The following MYO1H variants were observed in gnomAD, a reference collection of about 807,000 sequenced individuals.
MYO1H encodes the protein myosin IH, also known as unconventional myosin-Ih.
Under a neutral mutation model 149.3 loss-of-function variants are expected in MYO1H, and 118 were observed. That is an observed-to-expected ratio of 0.79 (90% confidence interval 0.68 to 0.92). MYO1H has a LOEUF of 0.92. Ranked by LOEUF, MYO1H falls within the 40% of genes least tolerant of loss-of-function variation. The pLI is 0.00. For missense variants in MYO1H, 1,212 were observed against 1,280.7 expected (o/e 0.95, Z 0.82); for synonymous variants, 447 against 465.2 (o/e 0.96, Z 0.50).
rs1195881053 is a variant in MYO1H, at chr12:109,443,453, A to C, written c.2689-61A>C. ...CTTGACATCACTTTACCGGTGTCTG[A>C]GTAGCAAGAAACTCGGTACTCTGCC... On this transcript the variant is annotated intron_variant, in intron 27 of 31. Coordinates refer to ENST00000310903, the Ensembl canonical transcript of MYO1H. 5.0e-6 allele frequency: 8 copies of C among 1,584,526 alleles called. No individual in the cohort carries two copies. The African/African-American group carries it at 5.4e-5, about 11-fold the overall frequency.
At chr12:109,443,009 AATAT>A (rs1335069078) in intron 27 of MYO1H, among the ~76,000 whole-genome samples, 11 of 58,480 alleles carry the variant, frequency 1.9e-4, no homozygotes, top group African/African-American at 7.5e-4. Flanking sequence ...AAAAAAAAAA[AATAT>A]ATATATATAT....
intron 1 of MYO1H, among the ~76,000 whole-genome samples, chr12:109,376,891 A>G (rs894437058): frequency 6.6e-6 from 1 of 152,256 alleles, no homozygotes; most frequent in African/African-American, 2.4e-5. Flanking sequence ...GTGGGAGAAC[A>G]TAACATCTTT....
At position 109,441,603 on chromosome 12, in the gene MYO1H, G is replaced by A; in HGVS notation, c.2539-12G>A. 1.3e-6 allele frequency: 2 copies of A among 1,588,138 alleles called. No homozygotes were observed. The highest frequency in any genetic ancestry group is 1.7e-6 in the Non-Finnish European group (2 of 1,159,936). Reference sequence around the variant, plus strand: ...GGCTACCATTTTTATACTTTCAATTGTGTATTACCAGATGCAGCAAAAGGT... The same window carrying A: ...GGCTACCATTTTTATACTTTCAATTATGTATTACCAGATGCAGCAAAAGGT... On this transcript the variant is annotated splice_polypyrimidine_tract_variant and intron_variant, in intron 25 of 31. Transcript: ENST00000310903.
chr12:109,441,712 A>G lies in MYO1H; in HGVS notation c.2632+4A>G, dbSNP rs1872138560. 2 of 1,603,322 alleles carry G rather than the reference A, an allele frequency of 1.2e-6. No homozygotes were observed. Among genetic ancestry groups the G allele is most frequent in the Non-Finnish European group, 1.7e-6 (2 of 1,173,174 alleles). The stretch of plus-strand genomic sequence containing the variant: ...CCCTTTGTCAACAGTCGGATAGGTA[A>G]GTACATTTTCCAGCCTATGTACTTG... On this transcript the variant is annotated splice_donor_region_variant and intron_variant, in intron 26 of 31. Transcript: ENST00000310903.
chr12:109,344,182 A>G (rs990284385), upstream of MYO1H, among the ~76,000 whole-genome samples: 52 of 152,318 alleles, frequency 3.4e-4, no homozygotes, highest in African/African-American at 1.2e-3. Flanking sequence ...ATCACATCAC[A>G]TTAAGGGCAC....
chr12:109,314,035 C>T, the MYO1H span, among the ~76,000 whole-genome samples: 1 of 152,032 alleles, frequency 6.6e-6, no homozygotes, highest in Non-Finnish European at 1.5e-5. Context: ...CAGGCGCGCA[C>T]CACCATGCCT....
chr12:109,406,706 G>A, intron 8 of MYO1H, 83 bp from the exon 9 acceptor site: 5 of 1,326,036 alleles, frequency 3.8e-6, no homozygotes, highest in South Asian at 2.4e-5. Flanking sequence ...GGGTAACAGA[G>A]CCATACCTTG....
chr12:109,388,293 T>C (rs1327987601), intron 1 of MYO1H, among the ~76,000 whole-genome samples: 3 of 152,240 alleles, frequency 2.0e-5, no homozygotes, highest in African/African-American at 4.8e-5. Flanking sequence ...TCTGGGTATG[T>C]TGTCTAGGTT....
chr12:109,439,691 C>T (rs955667296), exon 24 of MYO1H: 25 of 1,613,604 alleles, frequency 1.5e-5, no homozygotes, highest in Non-Finnish European at 1.8e-5. Context: ...AGGAATTTAT[C>T]GTGTTTGTGC....
At position 109,390,243 on chromosome 12, in the gene MYO1H, G is replaced by A. The variant is rs186810051; in HGVS notation, c.174+1399G>A. Among the ~76,000 whole-genome samples, 1,428 of 148,308 alleles carry A rather than the reference G, an allele frequency of 9.6e-3. 19 individuals carry two copies. The highest frequency in any genetic ancestry group is 0.033 in the African/African-American group (1,342 of 40,152). ...TTTTTTTTGAGTTGGGTCTTGCTAA[G>A]TTGCCCAGGCTAGTCTTGAACTCCT... On this transcript the variant is annotated intron_variant, in intron 2 of 31. Coordinates refer to ENST00000310903, the Ensembl canonical transcript of MYO1H.
upstream of MYO1H, among the ~76,000 whole-genome samples, chr12:109,346,304 A>G (rs1244291159): frequency 6.6e-6 from 1 of 152,240 alleles, no homozygotes; most frequent in Non-Finnish European, 1.5e-5. Context: ...ATTTTATATC[A>G]GGCAATTGAG....
At chr12:109,427,903 A>ATATATAT (rs1871430495) in intron 19 of MYO1H, among the ~76,000 whole-genome samples, 3 of 37,338 alleles carry the variant, frequency 8.0e-5, no homozygotes, top group Admixed American at 2.9e-4. Context: ...AAAAAAAAAA[A>ATATATAT]AAAAAAATAT....
At chr12:109,349,252 T>G (rs1213214860) in intron 1 of MYO1H, among the ~76,000 whole-genome samples, 1 of 152,206 alleles carries the variant, frequency 6.6e-6, no homozygotes, top group East Asian at 1.9e-4. Flanking sequence ...CCATGCAGAT[T>G]GACTTATACA....
chr12:109,410,965 A>G (rs1024390262), intron 13 of MYO1H, among the ~76,000 whole-genome samples, 197 bp downstream of exon 13: 2 of 152,154 alleles, frequency 1.3e-5, no homozygotes, highest in Admixed American at 6.6e-5. Flanking sequence ...AGTATGGTGT[A>G]ACCCTGTCTC....
chr12:109,361,330 C>T (rs532598481), intron 1 of MYO1H, among the ~76,000 whole-genome samples: 20 of 152,270 alleles, frequency 1.3e-4, no homozygotes, highest in African/African-American at 4.1e-4. Context: ...CTCCACTTAA[C>T]TCCCTTCATA....
At chr12:109,405,945 T>C (rs1256234816) in exon 8 of MYO1H, 4 of 1,612,516 alleles carry the variant, frequency 2.5e-6, no homozygotes, top group Admixed American at 1.7e-5. Flanking sequence ...TTATTGCCAG[T>C]GTCTTACACC....
intron 1 of MYO1H, among the ~76,000 whole-genome samples, chr12:109,366,064 T>C (rs539711295): frequency 6.6e-6 from 1 of 152,346 alleles, no homozygotes; most frequent in South Asian, 2.1e-4. Flanking sequence ...AGTTTCATCC[T>C]GAAACCATTC....
intron 19 of MYO1H, among the ~76,000 whole-genome samples, chr12:109,430,840 C>T (rs1033724518): frequency 9.9e-5 from 15 of 152,162 alleles, no homozygotes; most frequent in Non-Finnish European, 2.1e-4. Context: ...GCAGGAGAAT[C>T]GCTTGAACCC....
At position 109,405,964 on chromosome 12, in the gene MYO1H, AT is replaced by A. The variant is rs1019919533; in HGVS notation, c.894del (p.Ile298MetfsTer22). 14 of 1,613,746 alleles carry A rather than the reference AT, an allele frequency of 8.7e-6. No homozygotes were observed. Among genetic ancestry groups the A allele is most frequent in the Non-Finnish European group, 1.1e-5 (13 of 1,179,798 alleles). ...TGCCAGTGTCTTACACCTGGGGAAC[AT>A]TGGTTTTGAAGAAGACGACCAAGGC... On this transcript the variant is annotated frameshift_variant, in exon 8 of 32. Coordinates refer to ENST00000310903, the Ensembl canonical transcript of MYO1H. LOFTEE classifies it high-confidence loss of function.
Sources: gnomAD v4.1 joint callset for allele counts (sites outside exome capture counted in the v4.1 genomes callset) on GRCh38, gnomAD v4.1.1 for gene constraint, MANE v1.5 for transcripts, NCBI Gene and HGNC (gene_info 2026-07-23, HGNC 2026-07-21) for gene names.